Variants in MEI4 observed in about 807,000 individuals in gnomAD.
MEI4 encodes the protein meiosis-specific protein MEI4.
In MEI4, 27 loss-of-function variants were observed where a neutral mutation model predicts 31.4. The ratio of observed to expected loss-of-function variants is 0.86; its 90% CI spans 0.63 to 1.19. The LOEUF is 1.19. Among genes scored for constraint, MEI4 ranks in the 50% most tolerant of loss-of-function variants. The probability of loss-of-function intolerance (pLI) is 0.00; values close to 1 mark genes in which losing one functional copy is unlikely to be tolerated. For synonymous variants in MEI4, 122 were observed against 145.4 expected (o/e 0.84, Z 1.16); for missense variants, 329 against 398.9 (o/e 0.82, Z 1.49).
chr6:77,714,799 C>T (rs1204514852), intron 2 of MEI4, among the ~76,000 whole-genome samples: 1 of 152,124 alleles, frequency 6.6e-6, no homozygotes, highest in Non-Finnish European at 1.5e-5. Flanking sequence ...TGAAAGACTG[C>T]CCCCCATCCC....
At chr6:77,726,497 G>A (rs949770466) in intron 2 of MEI4, among the ~76,000 whole-genome samples, 3 of 152,176 alleles carry the variant, frequency 2.0e-5, no homozygotes, top group Non-Finnish European at 4.4e-5. Flanking sequence ...AGGAAGCGTA[G>A]AGCATCAATA....
At chr6:77,657,739 T>A (rs1768424172) in intron 1 of MEI4, among the ~76,000 whole-genome samples, 1 of 152,166 alleles carries the variant, frequency 6.6e-6, no homozygotes, top group Non-Finnish European at 1.5e-5. Context: ...ACCATATTCT[T>A]TAGTCAAGGA....
At chr6:77,694,718 A>G (rs1156690997) in intron 2 of MEI4, among the ~76,000 whole-genome samples, 1 of 152,064 alleles carries the variant, frequency 6.6e-6, no homozygotes, top group African/African-American at 2.4e-5. Context: ...TGCCTCAATA[A>G]ACATACGTGT....
At chr6:77,703,535 A>G (rs1206164789) in intron 2 of MEI4, among the ~76,000 whole-genome samples, 1 of 152,188 alleles carries the variant, frequency 6.6e-6, no homozygotes, top group African/African-American at 2.4e-5. Context: ...AATTGCAATC[A>G]TCTTTATATT....
chr6:77,657,321 ATGT>A (rs1430173949), intron 1 of MEI4, among the ~76,000 whole-genome samples: 1 of 152,206 alleles, frequency 6.6e-6, no homozygotes, highest in African/African-American at 2.4e-5. Flanking sequence ...TATTTTGTAC[ATGT>A]TGTACTTTCC....
chr6:77,680,801 T>C lies in MEI4; in HGVS notation c.-14-9857T>C, dbSNP rs184651856. ...TGAGAGAAGAAGCCATGACACACTG[T>C]CAGTTGCTGTCTGAAATTTGTGGTG... is the stretch of plus-strand genomic sequence containing the variant. On this transcript the variant is annotated intron_variant, in intron 1 of 4. Coordinates refer to ENST00000684080, the MANE Select transcript of MEI4 (RefSeq NM_001322247.2). Among the ~76,000 whole-genome samples, 191 of 152,296 alleles carry C rather than the reference T, an allele frequency of 1.3e-3. 2 individuals carry two copies. Among genetic ancestry groups the C allele is most frequent in the Admixed American group, 0.011 (175 of 15,290 alleles).
chr6:77,695,874 T>A (rs888503767), intron 2 of MEI4, among the ~76,000 whole-genome samples: 22 of 152,222 alleles, frequency 1.4e-4, no homozygotes, highest in African/African-American at 5.3e-4. Flanking sequence ...ATTTTCACGA[T>A]ATAGATTCTT....
At chr6:77,681,856 C>A (rs1002379571) in intron 1 of MEI4, among the ~76,000 whole-genome samples, 2 of 152,180 alleles carry the variant, frequency 1.3e-5, no homozygotes, top group African/African-American at 2.4e-5. Flanking sequence ...CACAGACTCT[C>A]TGCTGGAAAG....
intron 2 of MEI4, among the ~76,000 whole-genome samples, chr6:77,714,375 A>G (rs1202326691): frequency 6.6e-6 from 1 of 152,174 alleles, no homozygotes; most frequent in Non-Finnish European, 1.5e-5. Context: ...AAACAATACT[A>G]TCTCATTTGG....
rs141614135 is a variant in MEI4 at position 77,748,144 on chromosome 6, G to A, written c.233-12986G>A. Among the ~76,000 whole-genome samples the A allele has an allele frequency of 6.8e-4, 103 of 152,300 alleles. No homozygotes were observed. In the South Asian group the frequency reaches 0.012, roughly 17 times the overall value. On this transcript the variant is annotated intron_variant, in intron 2 of 4. Coordinates refer to ENST00000684080, the MANE Select transcript of MEI4 (RefSeq NM_001322247.2). The stretch of plus-strand genomic sequence containing the variant: ...GGTGGATCTACTATTCTGGGATCTG[G>A]GGGACAGTAGCCCTCTTCTCTCAGC...
At chr6:77,813,245 G>A (rs1320112375) in intron 3 of MEI4, among the ~76,000 whole-genome samples, 3 of 152,042 alleles carry the variant, frequency 2.0e-5, no homozygotes, top group Admixed American at 6.6e-5. Flanking sequence ...TTATTGCTTA[G>A]TAGTTTGTTT....
intron 1 of MEI4, among the ~76,000 whole-genome samples, chr6:77,672,212 C>T (rs1021170903): frequency 6.6e-6 from 1 of 152,160 alleles, no homozygotes; most frequent in Admixed American, 6.5e-5. Context: ...AGAGAGTTGA[C>T]TTTAGACCTA....
Position 77,732,932 on chromosome 6 carries a change from T to C in MEI4, c.233-28198T>C, listed in dbSNP as rs202171268. 1.3e-5 allele frequency among the ~76,000 whole-genome samples: 2 copies of C among 151,010 alleles called. 1 individual carries two copies. The highest frequency in any genetic ancestry group is 4.4e-4 in the East Asian group (2 of 4,524). On this transcript the variant is annotated intron_variant, in intron 2 of 4. Coordinates refer to ENST00000684080, the MANE Select transcript of MEI4 (RefSeq NM_001322247.2). ...TCTGTTTATATGCTGGTTACATTTATTGATTTGCATATATTGAACCAGCCT... is the reference window on the plus strand; with the variant it reads ...TCTGTTTATATGCTGGTTACATTTACTGATTTGCATATATTGAACCAGCCT...
chr6:77,679,386 T>C (rs1768908759), intron 1 of MEI4, among the ~76,000 whole-genome samples: 1 of 152,212 alleles, frequency 6.6e-6, no homozygotes, highest in Non-Finnish European at 1.5e-5. Flanking sequence ...TATATTTAGA[T>C]ACACAAATAT....
chr6:77,855,537 A>G (rs1029918589), intron 4 of MEI4, among the ~76,000 whole-genome samples: 2 of 152,198 alleles, frequency 1.3e-5, no homozygotes, highest in African/African-American at 4.8e-5. Flanking sequence ...AGACAAAGTA[A>G]AAAGATTTCC....
intron 3 of MEI4, among the ~76,000 whole-genome samples, chr6:77,792,751 T>C (rs1768971930): frequency 6.6e-6 from 1 of 151,864 alleles, no homozygotes; most frequent in African/African-American, 2.4e-5. Flanking sequence ...CTCGCTCTAT[T>C]GCACAGGCTG....
At chr6:77,849,373 A>C (rs903427968) in intron 4 of MEI4, among the ~76,000 whole-genome samples, 2 of 152,140 alleles carry the variant, frequency 1.3e-5, no homozygotes, top group Non-Finnish European at 2.9e-5. Context: ...GAAAGAAAGC[A>C]TTTCAGGTCA....
chr6:77,776,541 T>C (rs1466266627), intron 3 of MEI4, among the ~76,000 whole-genome samples: 1 of 152,094 alleles, frequency 6.6e-6, no homozygotes, highest in African/African-American at 2.4e-5. Context: ...GCAACTTTTA[T>C]TTCTTTCTCT....
At chr6:77,743,709 A>G (rs1305500011) in intron 2 of MEI4, among the ~76,000 whole-genome samples, 2 of 152,154 alleles carry the variant, frequency 1.3e-5, no homozygotes, top group Non-Finnish European at 2.9e-5. Context: ...CCTAACTGGG[A>G]GGCACCCCCC....
Sources: gnomAD v4.1 joint callset for allele counts (sites outside exome capture counted in the v4.1 genomes callset) on GRCh38, gnomAD v4.1.1 for gene constraint, MANE v1.5 for transcripts, NCBI Gene and HGNC (gene_info 2026-07-23, HGNC 2026-07-21) for gene names.